Variants in BICC1 observed in about 807,000 individuals in gnomAD.
BICC1 encodes BicC family RNA binding protein 1.
A neutral mutation model predicts 111.0 loss-of-function variants in BICC1; 43 were observed. The ratio of observed to expected loss-of-function variants is 0.39; its 90% CI spans 0.30 to 0.50. BICC1 has a LOEUF of 0.50. Among genes scored for constraint, BICC1 ranks in the 20% least tolerant of loss-of-function variants. BICC1 has a pLI of 0.88. For missense variants in BICC1, 1,091 were observed against 1,203.2 expected (o/e 0.91, Z 1.38); for synonymous variants, 467 against 434.4 (o/e 1.07, Z -0.93).
At chr10:58,515,497 T>C (rs1589052184) in intron 1 of BICC1, among the ~76,000 whole-genome samples, 1 of 152,228 alleles carries the variant, frequency 6.6e-6, no homozygotes, top group East Asian at 1.9e-4. Flanking sequence ...GTGGTATTTG[T>C]GTATCTAAAT....
intron 3 of BICC1, among the ~76,000 whole-genome samples, chr10:58,714,084 C>G (rs1840660788): frequency 6.6e-6 from 1 of 152,156 alleles, no homozygotes; most frequent in Admixed American, 6.5e-5. Context: ...AAGACAGCCG[C>G]CTCAACACAA....
In BICC1 at chr10:58,644,695, G is replaced by T. The variant is rs376463099; in HGVS notation, c.237+23794G>T. ...GTTCTTAAGCTTCGAAAATTGAATT[G>T]AATTTAATTTGGCCAACGTTGTCAG... is the stretch of plus-strand genomic sequence containing the variant. On this transcript the variant is annotated intron_variant, in intron 2 of 20. Coordinates refer to ENST00000373886, the MANE Select transcript of BICC1 (RefSeq NM_001080512.3). 4.6e-5 allele frequency among the ~76,000 whole-genome samples: 7 copies of T among 152,074 alleles called. No homozygotes were observed. In the East Asian group the frequency reaches 7.7e-4, roughly 17 times the overall value.
At position 58,764,925 on chromosome 10, in the gene BICC1, G is replaced by A. The variant is rs139147950; in HGVS notation, c.308-20076G>A. On this transcript the variant is annotated intron_variant, in intron 3 of 20. Coordinates refer to ENST00000373886, the MANE Select transcript of BICC1 (RefSeq NM_001080512.3). ...AATCAAGGTGATAACTGTAAATTAG[G>A]AGAAAGTTTGAATCTAAGAGCTTGT... Among the ~76,000 whole-genome samples the A allele has an allele frequency of 4.7e-3, 723 of 152,240 alleles. 10 individuals carry two copies. The highest frequency in any genetic ancestry group is 0.017 in the African/African-American group (692 of 41,550).
chr10:58,515,975 T>C (rs2132493661), intron 1 of BICC1, among the ~76,000 whole-genome samples: 1 of 152,274 alleles, frequency 6.6e-6, no homozygotes, highest in Middle Eastern at 3.4e-3. Flanking sequence ...ATTTTGCAGG[T>C]TCATAATTGC....
intron 2 of BICC1, 34 bp downstream of exon 2, chr10:58,620,935 G>A: frequency 6.3e-7 from 1 of 1,599,238 alleles, no homozygotes; most frequent in Non-Finnish European, 8.6e-7. Context: ...ATGGTGATAA[G>A]TAAGAGGAAA....
chr10:58,752,922 T>G (rs1842030368), intron 3 of BICC1, among the ~76,000 whole-genome samples: 1 of 152,064 alleles, frequency 6.6e-6, no homozygotes. Context: ...GGGACCGAGG[T>G]GCCTGCTCTC....
chr10:58,713,711 C>T (rs976018742), intron 3 of BICC1, among the ~76,000 whole-genome samples: 1 of 152,190 alleles, frequency 6.6e-6, no homozygotes, highest in African/African-American at 2.4e-5. Context: ...CAGACTTAAG[C>T]TACATTTGGT....
intron 19 of BICC1, among the ~76,000 whole-genome samples, chr10:58,818,685 A>AT (rs943219556): frequency 0.018 from 2,706 of 150,140 alleles, 73 homozygotes; most frequent in African/African-American, 0.062. Context: ...CAGGGTATTG[A>AT]TTTTTTTTTT....
chr10:58,618,641 T>G (rs1845699011), intron 1 of BICC1, among the ~76,000 whole-genome samples: 1 of 152,196 alleles, frequency 6.6e-6, no homozygotes, highest in Non-Finnish European at 1.5e-5. Context: ...GTCTGGAACC[T>G]GACACTTGGC....
At chr10:58,515,072 C>T (rs1842206210) in intron 1 of BICC1, among the ~76,000 whole-genome samples, 1 of 152,110 alleles carries the variant, frequency 6.6e-6, no homozygotes, top group African/African-American at 2.4e-5. Context: ...AGTGAATTTC[C>T]TTTTTTGATT....
At chr10:58,630,729 C>T (rs866131361) in intron 2 of BICC1, among the ~76,000 whole-genome samples, 1 of 152,072 alleles carries the variant, frequency 6.6e-6, no homozygotes, top group African/African-American at 2.4e-5. Context: ...ATTGCATAAT[C>T]CCCTTTTCTT....
chr10:58,706,347 T>C (rs1840386572), intron 3 of BICC1, among the ~76,000 whole-genome samples: 1 of 152,212 alleles, frequency 6.6e-6, no homozygotes. Context: ...CTTTAAGAAA[T>C]ACATAAAAAT....
chr10:58,696,069 A>C (rs780607089), intron 2 of BICC1, among the ~76,000 whole-genome samples: 2 of 152,156 alleles, frequency 1.3e-5, no homozygotes, highest in Admixed American at 6.5e-5. Flanking sequence ...TGTAAACATT[A>C]CCTTCCCTTC....
chr10:58,626,467 A>G (rs893462762), intron 2 of BICC1, among the ~76,000 whole-genome samples: 1 of 152,180 alleles, frequency 6.6e-6, no homozygotes, highest in African/African-American at 2.4e-5. Context: ...AAAGATGAGA[A>G]TGGAGCTTAT....
intron 3 of BICC1, among the ~76,000 whole-genome samples, chr10:58,784,494 G>A (rs546057285): frequency 6.6e-6 from 1 of 152,114 alleles, no homozygotes; most frequent in Admixed American, 6.5e-5. Flanking sequence ...TGGATCCAGA[G>A]TTGGAAGACA....
chr10:58,745,754 A>C (rs958806924), intron 3 of BICC1, among the ~76,000 whole-genome samples: 6 of 151,682 alleles, frequency 4.0e-5, no homozygotes, highest in Non-Finnish European at 7.4e-5. Context: ...CAATTAGATA[A>C]CTTTTTATTT....
rs1040088331 is a variant in BICC1, at chr10:58,798,570, A to G, written c.1528+10A>G. 32 of 1,571,590 alleles carry G rather than the reference A, an allele frequency of 2.0e-5. No homozygotes were observed. The highest frequency in any genetic ancestry group is 2.7e-5 in the Non-Finnish European group (31 of 1,163,084). On this transcript the variant is annotated intron_variant, in intron 11 of 20. Coordinates refer to ENST00000373886, the MANE Select transcript of BICC1 (RefSeq NM_001080512.3). ...ACTTCAAGTGCCACAGGTCAGTATC[A>G]TTTAAGTATATTCCAAGTTGTGTAT...
At chr10:58,532,212 C>T (rs893973807) in intron 1 of BICC1, among the ~76,000 whole-genome samples, 2 of 151,538 alleles carry the variant, frequency 1.3e-5, no homozygotes, top group Non-Finnish European at 2.9e-5. Context: ...ATAAGAATAT[C>T]ACACATTTCT....
chr10:58,756,743 G>A (rs1842160231), intron 3 of BICC1, among the ~76,000 whole-genome samples: 2 of 149,256 alleles, frequency 1.3e-5, no homozygotes, highest in South Asian at 2.1e-4. Flanking sequence ...GTTTAATATC[G>A]AACAAAGGCA....
Sources: gnomAD v4.1 joint callset for allele counts (sites outside exome capture counted in the v4.1 genomes callset) on GRCh38, gnomAD v4.1.1 for gene constraint, MANE v1.5 for transcripts, NCBI Gene and HGNC (gene_info 2026-07-23, HGNC 2026-07-21) for gene names.